Variants in UBAP1 observed in about 807,000 individuals in gnomAD.
UBAP1 encodes the protein ubiquitin-associated protein 1.
UBAP1 carries 5 observed loss-of-function variants against 39.0 expected under a neutral mutation model. The ratio of observed to expected loss-of-function variants is 0.13; its 90% CI spans 0.07 to 0.27. The LOEUF (loss-of-function observed/expected upper bound fraction) is 0.27. Ranked by LOEUF, UBAP1 falls within the 10% of genes least tolerant of loss-of-function variation. UBAP1 has a pLI of 1.00. For synonymous variants in UBAP1, 211 were observed against 225.1 expected, an observed-to-expected ratio of 0.94 and a Z score of 0.56; for missense variants, 490 against 608.1, an observed-to-expected ratio of 0.81 and a Z score of 2.04.
chr9:34,217,040 C>T (rs1832362317), intron 1 of UBAP1, among the ~76,000 whole-genome samples: 1 of 152,108 alleles, frequency 6.6e-6, no homozygotes, highest in African/African-American at 2.4e-5. Flanking sequence ...CCCTCCCCAC[C>T]TCTCCGGCCT....
intron 2 of UBAP1, among the ~76,000 whole-genome samples, chr9:34,226,119 G>GTGTGTGTGTGTGTGTGTGTGTGTGTTTT (rs1554650789): frequency 1.0e-5 from 1 of 97,458 alleles, no homozygotes; most frequent in Non-Finnish European, 2.3e-5. Flanking sequence ...GTGTGTGTGT[G>GTGTGTGTGTGTGTGTGTGTGTGTGTTTT]TGTGTGTGTG....
At chr9:34,218,753 G>T (rs1832489159) in intron 1 of UBAP1, among the ~76,000 whole-genome samples, 1 of 152,022 alleles carries the variant, frequency 6.6e-6, no homozygotes, top group Non-Finnish European at 1.5e-5. Context: ...ATCCAACATG[G>T]CAAAACCCCG....
intron 1 of UBAP1, among the ~76,000 whole-genome samples, chr9:34,180,582 C>T (rs1414728529): frequency 6.6e-6 from 1 of 151,534 alleles, no homozygotes; most frequent in African/African-American, 2.4e-5. Context: ...TTACATTGTC[C>T]GCATTAACTT....
intron 1 of UBAP1, among the ~76,000 whole-genome samples, chr9:34,207,048 CTTTTTTTTT>C (rs34197502): frequency 5.6e-5 from 5 of 90,056 alleles, no homozygotes; most frequent in Admixed American, 1.7e-4. Flanking sequence ...ATTGTTATTT[CTTTTTTTTT>C]TTTTTTTTTT....
intron 1 of UBAP1, among the ~76,000 whole-genome samples, chr9:34,184,323 CT>C (rs541477443): frequency 8.9e-5 from 13 of 145,766 alleles, no homozygotes; most frequent in Admixed American, 1.4e-4. Context: ...ACTTTCTTTC[CT>C]TTTTTTTTTA....
intron 1 of UBAP1, among the ~76,000 whole-genome samples, chr9:34,213,372 A>G (rs118190906): frequency 0.02 from 3,062 of 152,162 alleles, 49 homozygotes; most frequent in Non-Finnish European, 0.029. Context: ...TTAGCTCGGC[A>G]TGGTGGCAGG....
chr9:34,232,709 T>G (rs1833492930), intron 2 of UBAP1, among the ~76,000 whole-genome samples: 1 of 152,198 alleles, frequency 6.6e-6, no homozygotes, highest in Admixed American at 6.5e-5. Flanking sequence ...TCTACACAGT[T>G]TTCGTAAGGA....
In UBAP1 at chr9:34,251,420, A is replaced by C. The variant is rs148277146; in HGVS notation, c.1397A>C (p.Lys466Thr). 6.2e-6 allele frequency: 10 copies of C among 1,614,114 alleles called. No individual in the cohort carries two copies. The African/African-American group carries it at 1.3e-4, about 22-fold the overall frequency. Residue 466 changes from lysine to threonine, a missense_variant, in exon 7 of 7, where the codon AAA becomes ACA. Transcript: ENST00000297661. ...ATGGAGTTTCTTCAGTTAATGAGCA[A>C]ATTTAAGGAGATGGGCTTTGAGCTG... The part of the protein sequence containing the change: ...KMMEFLQLMS[K>T]FKEMGFELKD...
chr9:34,229,704 A>AT (rs1416547877), intron 2 of UBAP1, among the ~76,000 whole-genome samples: 1 of 149,958 alleles, frequency 6.7e-6, no homozygotes, highest in African/African-American at 2.5e-5. Context: ...CGCCCAGCTA[A>AT]TTTTTTGTAT....
Position 34,237,117 on chromosome 9 carries a change from G to C in UBAP1, c.159+2777G>C, listed in dbSNP as rs79288380. ...TCAGTCCTCCCATCTTTAAGGCTCA[G>C]TTATATAGAAATGTACTGAGTTACT... On this transcript the variant is annotated intron_variant, in intron 3 of 6. Transcript: ENST00000297661. Among the ~76,000 whole-genome samples, 959 of 152,266 alleles carry C rather than the reference G, an allele frequency of 6.3e-3. 14 individuals are homozygous for C. Among genetic ancestry groups the C allele is most frequent in the African/African-American group, 0.021 (893 of 41,548 alleles).
intron 1 of UBAP1, among the ~76,000 whole-genome samples, chr9:34,207,237 G>A (rs932455879): frequency 2.0e-5 from 3 of 150,418 alleles, no homozygotes; most frequent in African/African-American, 7.3e-5. Context: ...GTAGAGATGG[G>A]GTTTCACCAT....
chr9:34,241,340 C>G lies in UBAP1; in HGVS notation c.315C>G (p.Ser105=), dbSNP rs746925450. 3 of 1,523,244 alleles carry G rather than the reference C, an allele frequency of 2.0e-6. No individual in the cohort carries two copies. The highest frequency in any genetic ancestry group is 1.8e-6 in the Non-Finnish European group (2 of 1,137,074). 94.4% of individuals were successfully genotyped at this position (1,523,244 alleles called of 1,614,324 possible). The change falls in exon 4 of 7, where the codon TCC becomes TCG. Residue 105 remains serine, a synonymous_variant. Transcript: ENST00000297661. The part of the protein sequence containing the change: ...GPEGDSKMSF[S]KTHSTATMPP... ...AGGGCGATAGCAAAATGAGCTTCTC[C>G]AAGACTCACAGTACAGCCACAATGC...
intron 1 of UBAP1, among the ~76,000 whole-genome samples, chr9:34,204,921 T>G (rs927209535): frequency 6.6e-6 from 1 of 152,220 alleles, no homozygotes; most frequent in Non-Finnish European, 1.5e-5. Context: ...GACACTGCAC[T>G]GAACTCTCTG....
intron 1 of UBAP1, among the ~76,000 whole-genome samples, chr9:34,193,309 T>C (rs1465167765): frequency 6.6e-6 from 1 of 151,992 alleles, no homozygotes; most frequent in Non-Finnish European, 1.5e-5. Flanking sequence ...AGACTCTGTC[T>C]CAAAAAAATA....
At chr9:34,205,093 T>G (rs1831611318) in intron 1 of UBAP1, among the ~76,000 whole-genome samples, 1 of 152,184 alleles carries the variant, frequency 6.6e-6, no homozygotes, top group South Asian at 2.1e-4. Context: ...CACTGTTCAC[T>G]GCAGCTTCGA....
intron 1 of UBAP1, among the ~76,000 whole-genome samples, chr9:34,181,496 G>C (rs575887262): frequency 4.0e-5 from 6 of 150,714 alleles, no homozygotes; most frequent in African/African-American, 1.2e-4. Context: ...GCAGTGGCGC[G>C]ATCTCGGCTC....
At chr9:34,235,336 T>TAC (rs1323667829) in intron 3 of UBAP1, among the ~76,000 whole-genome samples, 2 of 151,700 alleles carry the variant, frequency 1.3e-5, no homozygotes, top group African/African-American at 2.4e-5. Flanking sequence ...TGTGTGTATA[T>TAC]ATATATGTAT....
intron 1 of UBAP1, among the ~76,000 whole-genome samples, chr9:34,181,319 T>C (rs976715146): frequency 6.7e-6 from 1 of 150,218 alleles, no homozygotes; most frequent in African/African-American, 2.5e-5. Flanking sequence ...GGTTTCACCG[T>C]GTTAGCCAGG....
At chr9:34,234,486 T>A in intron 3 of UBAP1, 146 bp downstream of exon 3, 1 of 956,092 alleles carries the variant, frequency 1.0e-6, no homozygotes, top group Non-Finnish European at 1.5e-6. Context: ...GGTGGTCCCA[T>A]AAAATTATAA....
Sources: gnomAD v4.1 joint callset for allele counts (sites outside exome capture counted in the v4.1 genomes callset) on GRCh38, gnomAD v4.1.1 for gene constraint, MANE v1.5 for transcripts, NCBI Gene and HGNC (gene_info 2026-07-23, HGNC 2026-07-21) for gene names.